The following VPS13B variants were observed in gnomAD, a reference collection of about 807,000 sequenced individuals.
VPS13B encodes the protein intermembrane lipid transfer protein VPS13B.
A neutral mutation model predicts 426.4 loss-of-function variants in VPS13B; 285 were observed. The ratio of observed to expected loss-of-function variants is 0.67; its 90% confidence interval spans 0.61 to 0.74. VPS13B has a LOEUF of 0.74. Ranked by LOEUF, VPS13B falls within the 30% of genes least tolerant of loss-of-function variation. The pLI is 0.00. For missense variants in VPS13B, 4,537 were observed against 4,782.6 expected (o/e 0.95, Z 1.51); for synonymous variants, 1,676 against 1,676.4 (o/e 1.00, Z 0.01).
chr8:99,859,522 C>CCTT (rs1554583664), intron 57 of VPS13B, 42 bp downstream of exon 57: 2 of 1,592,186 alleles, frequency 1.3e-6, no homozygotes, highest in African/African-American at 2.8e-5. Flanking sequence ...TCACTCCTTC[C>CCTT]CTTTTTTTTT....
chr8:99,642,614 A>G, intron 34 of VPS13B, 116 bp downstream of exon 34: 1 of 900,188 alleles, frequency 1.1e-6, no homozygotes, highest in East Asian at 2.6e-5. Context: ...TTTTCTCTAC[A>G]GAATATGGAA....
At position 99,854,159 on chromosome 8, in the gene VPS13B, C is replaced by T; in HGVS notation, c.10770C>T (p.Ser3590=). ...TAGCCTCAGACCACACTCCTCTCTC[C>T]TTCTCGGTGTTTGAAAGAGGACCCA... ...LYIASDHTPL[S]FSVFERGPIF... Residue 3590 remains serine (S), a synonymous_variant, in exon 56 of 62, where the codon TCC becomes TCT. Transcript: ENST00000357162. 6.2e-7 allele frequency: 1 copy of T among 1,613,918 alleles called. No individual in the cohort carries two copies. Among genetic ancestry groups the T allele is most frequent in the Admixed American group, 1.7e-5 (1 of 60,024 alleles).
chr8:99,692,656 A>T (rs1831735799), intron 35 of VPS13B, among the ~76,000 whole-genome samples: 1 of 131,750 alleles, frequency 7.6e-6, no homozygotes, highest in Non-Finnish European at 1.6e-5. Context: ...GAGCAAACAC[A>T]TTCAAAAGCT....
At chr8:99,114,966 A>T (rs4501558) in intron 6 of VPS13B, among the ~76,000 whole-genome samples, 9,566 of 152,174 alleles carry the variant, frequency 0.063, 412 homozygotes, top group African/African-American at 0.12. Flanking sequence ...GAGAGCTTTG[A>T]TTGCTGTATA....
intron 19 of VPS13B, among the ~76,000 whole-genome samples, chr8:99,364,576 A>T (rs1034299850): frequency 1.3e-5 from 2 of 151,952 alleles, no homozygotes; most frequent in African/African-American, 4.8e-5. Context: ...GGGACTACAG[A>T]CATGTGCTAC....
chr8:99,633,209 T>C (rs1337714525), intron 33 of VPS13B, among the ~76,000 whole-genome samples: 1 of 152,042 alleles, frequency 6.6e-6, no homozygotes, highest in East Asian at 1.9e-4. Flanking sequence ...AGGATTTGTA[T>C]GTATTTCATC....
At chr8:99,447,391 C>T (rs1274466608) in intron 23 of VPS13B, among the ~76,000 whole-genome samples, 1 of 152,168 alleles carries the variant, frequency 6.6e-6, no homozygotes, top group East Asian at 1.9e-4. Context: ...AAGGGAAGAG[C>T]AGAAAACTTT....
chr8:99,149,009 C>T (rs557392086), intron 14 of VPS13B, among the ~76,000 whole-genome samples: 1 of 152,360 alleles, frequency 6.6e-6, no homozygotes, highest in Admixed American at 6.5e-5. Context: ...CCTCACAAGA[C>T]CACATATGAT....
At chr8:99,078,055 C>T (rs1845232973) in intron 3 of VPS13B, among the ~76,000 whole-genome samples, 1 of 151,416 alleles carries the variant, frequency 6.6e-6, no homozygotes, top group Non-Finnish European at 1.5e-5. Context: ...ACATCTATCT[C>T]TTTTGAATTT....
intron 33 of VPS13B, among the ~76,000 whole-genome samples, chr8:99,638,685 A>G (rs1450124713): frequency 6.6e-6 from 1 of 152,126 alleles, no homozygotes; most frequent in Non-Finnish European, 1.5e-5. Context: ...GACGGAAGAG[A>G]TAGGATTCTT....
intron 20 of VPS13B, among the ~76,000 whole-genome samples, chr8:99,387,038 G>C (rs1370724820): frequency 1.3e-5 from 2 of 152,058 alleles, no homozygotes; most frequent in African/African-American, 4.8e-5. Flanking sequence ...TACAAATAAT[G>C]TTGGAGTATA....
At chr8:99,559,244 GA>G (rs1232982100) in intron 31 of VPS13B, among the ~76,000 whole-genome samples, 1 of 152,160 alleles carries the variant, frequency 6.6e-6, no homozygotes, top group Non-Finnish European at 1.5e-5. Flanking sequence ...CCCACTTTTT[GA>G]TGGGGTTATT....
intron 54 of VPS13B, among the ~76,000 whole-genome samples, chr8:99,841,089 T>C (rs1391479611): frequency 1.3e-5 from 2 of 152,200 alleles, no homozygotes; most frequent in African/African-American, 4.8e-5. Context: ...GTGATTTCCC[T>C]AAGATGTTTT....
At position 99,143,031 on chromosome 8, in the gene VPS13B, A is replaced by G; in HGVS notation, c.1709A>G (p.Gln570Arg). The G allele has an allele frequency of 1.2e-6, 2 of 1,614,026 alleles. No homozygotes were observed. Among genetic ancestry groups the G allele is most frequent in the Non-Finnish European group, 1.7e-6 (2 of 1,179,930 alleles). ...AAAAGTGAAGATTTGGGAACAGTTCAGGAGAAGTCCACCAAAAGCCTTGTT... is the reference window on the plus strand; with the variant it reads ...AAAAGTGAAGATTTGGGAACAGTTCGGGAGAAGTCCACCAAAAGCCTTGTT... ...SGKSEDLGTV[Q>R]EKSTKSLVIG... is the part of the protein sequence containing the mutation. The change falls in exon 13 of 62, where the codon CAG (glutamine) becomes CGG (arginine). Residue 570 changes from glutamine to arginine, a missense_variant. Around this residue, in one of 2 missense-constraint regions of VPS13B, gnomAD observed 4,311 missense variants for 4,474.3 expected, o/e 0.96. Coordinates refer to ENST00000357162, the MANE Select transcript of VPS13B (RefSeq NM_152564.5).
intron 17 of VPS13B, among the ~76,000 whole-genome samples, chr8:99,243,215 C>A (rs1023117698): frequency 7.2e-5 from 11 of 152,074 alleles, no homozygotes; most frequent in African/African-American, 2.7e-4. Flanking sequence ...AACCAAGTAC[C>A]TCAATTTCCA....
intron 21 of VPS13B, among the ~76,000 whole-genome samples, chr8:99,423,484 T>G (rs1044225484): frequency 1.3e-5 from 2 of 151,140 alleles, no homozygotes; most frequent in Non-Finnish European, 2.9e-5. Flanking sequence ...GCCAGGCTGG[T>G]TTCGAACTCC....
intron 12 of VPS13B, among the ~76,000 whole-genome samples, chr8:99,138,212 T>G (rs370750613): frequency 2.0e-5 from 3 of 152,188 alleles, no homozygotes. Context: ...CTGCAACTTC[T>G]GCCTCCCTGG....
At chr8:99,809,654 C>A in intron 44 of VPS13B, 124 bp downstream of exon 44, 1 of 1,126,692 alleles carries the variant, frequency 8.9e-7, no homozygotes, top group Non-Finnish European at 1.3e-6. Flanking sequence ...TACTACCATG[C>A]ATGTGAGCAT....
chr8:99,205,476 A>G (rs772209702), intron 17 of VPS13B, among the ~76,000 whole-genome samples: 22 of 152,206 alleles, frequency 1.4e-4, no homozygotes, highest in Non-Finnish European at 5.9e-5. Context: ...CATGTTCTAC[A>G]CATGTATCCC....
Sources: gnomAD v4.1 joint callset for allele counts (sites outside exome capture counted in the v4.1 genomes callset) on GRCh38, gnomAD v4.1.1 for gene constraint, gnomAD v4.1.1 regional missense constraint, MANE v1.5 for transcripts, NCBI Gene and HGNC (gene_info 2026-07-23, HGNC 2026-07-21) for gene names.